Variants in RFX7 observed in about 807,000 individuals in gnomAD.
RFX7 encodes DNA-binding protein RFX7.
In RFX7, 26 loss-of-function variants were observed where a neutral mutation model predicts 111.8. That is an observed-to-expected ratio of 0.23 (90% confidence interval 0.17 to 0.32). The LOEUF (loss-of-function observed/expected upper bound fraction) is 0.32, where lower values mean the gene tolerates loss of function less well. Among genes scored for constraint, RFX7 ranks in the 10% least tolerant of loss-of-function variants. The probability of loss-of-function intolerance (pLI) is 1.00; values close to 1 mark genes in which losing one functional copy is unlikely to be tolerated. For missense variants in RFX7, 1,573 were observed against 1,772.9 expected (o/e 0.89, Z 2.02); for synonymous variants, 624 against 624.4 (o/e 1.00, Z 0.01).
intron 3 of RFX7, among the ~76,000 whole-genome samples, chr15:56,178,184 C>CACACAT (rs1555423767): frequency 7.0e-6 from 1 of 142,198 alleles, no homozygotes; most frequent in African/African-American, 2.7e-5. Flanking sequence ...CACACACACA[C>CACACAT]ACACACACAC....
At position 56,095,994 on chromosome 15, in the gene RFX7, T is replaced by C. The variant is rs776184978; in HGVS notation, c.1734A>G (p.Ala578=). The change falls in exon 10 of 10, where the codon GCA becomes GCG. Residue 578 remains alanine (A), a synonymous_variant. Coordinates refer to ENST00000559447, the MANE Select transcript of RFX7 (RefSeq NM_022841.7). ...LLGQKSNTDG[A]LQKPSNEGVI... ...CACCTTCATTTGAAGGTTTCTGCAGTGCTCCGTCTGTATTACTTTTCTGCC... is the reference window on the plus strand; with the variant it reads ...CACCTTCATTTGAAGGTTTCTGCAGCGCTCCGTCTGTATTACTTTTCTGCC... 6.2e-7 allele frequency: 1 copy of C among 1,612,558 alleles called. No individual in the cohort carries two copies. The highest frequency in any genetic ancestry group is 1.1e-5 in the South Asian group (1 of 90,956).
At chr15:56,208,249 G>A (rs1232123680) in intron 2 of RFX7, among the ~76,000 whole-genome samples, 1 of 152,134 alleles carries the variant, frequency 6.6e-6, no homozygotes, top group African/African-American at 2.4e-5. Context: ...CTATCCTGCT[G>A]GAGCTTCATC....
rs1382842994 is a variant in RFX7, at chr15:56,089,324, T to A, written c.*4021A>T. ...TGAGCTGTGGCAGCCATCTTGTGAC[T>A]ATGAGGTAATAGACACAGCAAAGCA... On this transcript the variant is annotated 3_prime_UTR_variant, in exon 10 of 10. Coordinates refer to ENST00000559447, the MANE Select transcript of RFX7 (RefSeq NM_022841.7). 1.3e-5 allele frequency: 2 copies of A among 152,534 alleles called. No individual in the cohort carries two copies. Among genetic ancestry groups the A allele is most frequent in the African/African-American group, 2.4e-5 (1 of 41,420 alleles). 9.4% of individuals were successfully genotyped at this position (152,534 alleles called of 1,614,324 possible).
rs185908287 is a variant in RFX7, at chr15:56,207,399, G to C, written c.162-28096C>G. 4.6e-5 allele frequency among the ~76,000 whole-genome samples: 7 copies of C among 152,252 alleles called. No homozygotes were observed. The East Asian group carries it at 1.3e-3, about 29-fold the overall frequency. On this transcript the variant is annotated intron_variant, in intron 2 of 9. Coordinates refer to ENST00000559447, the MANE Select transcript of RFX7 (RefSeq NM_022841.7). ...TGACTGTACTTAATGCTACTGAACT[G>C]TTCTCTTAAAAATGACTAAAGTGGT...
chr15:56,176,948 A>T (rs2042909711), intron 3 of RFX7, among the ~76,000 whole-genome samples: 1 of 152,158 alleles, frequency 6.6e-6, no homozygotes, highest in South Asian at 2.1e-4. Flanking sequence ...TTAAAAAAAA[A>T]AAAACAGATT....
At chr15:56,183,052 G>A (rs1489133204) in intron 2 of RFX7, among the ~76,000 whole-genome samples, 3 of 151,824 alleles carry the variant, frequency 2.0e-5, no homozygotes, top group African/African-American at 7.3e-5. Context: ...CTATTCCAAT[G>A]GGCATGAAAT....
At chr15:56,242,978 CCTACAAATGTGCA>C in intron 2 of RFX7, 134 bp downstream of exon 2, 1 of 571,952 alleles carries the variant, frequency 1.7e-6, no homozygotes, top group East Asian at 7.4e-5. Flanking sequence ...CTCCAGAGAT[CCTACAAATGTGCA>C]CCCGACTGGG....
intron 3 of RFX7, among the ~76,000 whole-genome samples, chr15:56,155,327 C>A (rs955030669): frequency 6.6e-6 from 1 of 152,046 alleles, no homozygotes; most frequent in Admixed American, 6.6e-5. Context: ...ATGTTTATTG[C>A]GGCACTATTC....
chr15:56,093,506 G>A lies in RFX7; in HGVS notation c.4222C>T (p.Pro1408Ser). The stretch of plus-strand genomic sequence containing the variant: ...TCATCTTGTCCCTGCTGACGACCTG[G>A]ATCAAACAGTAGATTTGGGTCTAAA... ...NTLDPNLLFDPGRQQGQDDEA... is the reference protein window; with the variant it reads ...NTLDPNLLFDSGRQQGQDDEA... The change falls in exon 10 of 10, where the codon CCA becomes TCA. Residue 1408 changes from proline to serine, a missense_variant. Transcript: ENST00000559447. 1.2e-6 allele frequency: 2 copies of A among 1,613,818 alleles called. No individual in the cohort carries two copies. Among genetic ancestry groups the A allele is most frequent in the Non-Finnish European group, 1.7e-6 (2 of 1,179,830 alleles).
At chr15:56,210,606 T>C (rs796452094) in intron 2 of RFX7, among the ~76,000 whole-genome samples, 25 of 151,900 alleles carry the variant, frequency 1.6e-4, no homozygotes, top group African/African-American at 5.1e-4. Flanking sequence ...AATTATAGAG[T>C]ATCTCCCCTC....
At chr15:56,105,600 A>C (rs745435246) in intron 5 of RFX7, among the ~76,000 whole-genome samples, 13 of 152,146 alleles carry the variant, frequency 8.5e-5, no homozygotes, top group Non-Finnish European at 1.8e-4. Flanking sequence ...GAGATAATAT[A>C]TCCATTCTAT....
At chr15:56,115,047 G>A (rs1431597245) in intron 5 of RFX7, among the ~76,000 whole-genome samples, 1 of 152,050 alleles carries the variant, frequency 6.6e-6, no homozygotes, top group East Asian at 1.9e-4. Context: ...GTCTCGCTCT[G>A]TTGCCCAGCC....
intron 2 of RFX7, among the ~76,000 whole-genome samples, chr15:56,240,812 T>C (rs72740505): frequency 0.2 from 30,802 of 152,076 alleles, 3,519 homozygotes; most frequent in East Asian, 0.45. Context: ...AATATTATTG[T>C]CTCAAAAATG....
chr15:56,147,157 T>C (rs2042488345), intron 3 of RFX7, among the ~76,000 whole-genome samples: 1 of 152,226 alleles, frequency 6.6e-6, no homozygotes, highest in Non-Finnish European at 1.5e-5. Context: ...AAAAATTCCT[T>C]TGGCTGGATT....
At chr15:56,182,708 TTGAA>T (rs1403528113) in intron 2 of RFX7, among the ~76,000 whole-genome samples, 31 of 152,154 alleles carry the variant, frequency 2.0e-4, no homozygotes, top group Non-Finnish European at 4.4e-4. Flanking sequence ...AATTATCCCA[TTGAA>T]TGAATAATAA....
intron 3 of RFX7, among the ~76,000 whole-genome samples, chr15:56,172,726 C>T (rs12437864): frequency 0.2 from 30,121 of 151,964 alleles, 3,431 homozygotes; most frequent in East Asian, 0.45. Context: ...AAAGAAGAGG[C>T]GAGTTTAGTA....
intron 3 of RFX7, among the ~76,000 whole-genome samples, chr15:56,176,071 C>T (rs746188411): frequency 2.6e-5 from 4 of 151,688 alleles, no homozygotes; most frequent in Non-Finnish European, 4.4e-5. Context: ...TGTTTAAACA[C>T]GCAAAGAAAA....
intron 5 of RFX7, among the ~76,000 whole-genome samples, chr15:56,141,495 G>A (rs1199701677): frequency 1.3e-5 from 2 of 151,736 alleles, no homozygotes; most frequent in East Asian, 3.9e-4. Flanking sequence ...AAGTTTAATG[G>A]CAGAATCTAT....
chr15:56,242,254 G>A (rs2141250868), intron 2 of RFX7, among the ~76,000 whole-genome samples: 1 of 152,108 alleles, frequency 6.6e-6, no homozygotes, highest in East Asian at 1.9e-4. Context: ...CTTAAAAAAG[G>A]CAGTTAATGA....
Sources: allele counts gnomAD v4.1 joint callset (sites outside exome capture counted in the v4.1 genomes callset), GRCh38; gene constraint gnomAD v4.1.1; transcripts MANE v1.5; gene names NCBI Gene and HGNC (gene_info 2026-07-23, HGNC 2026-07-21).